The following RFX7 variants were observed in gnomAD, a reference collection of about 807,000 sequenced individuals.
The protein encoded by RFX7 is regulatory factor X7.
In RFX7, 26 loss-of-function variants were observed where a neutral mutation model predicts 111.8. The ratio of observed to expected loss-of-function variants is 0.23; its 90% confidence interval spans 0.17 to 0.32. RFX7 has a LOEUF of 0.32. Ranked by LOEUF, RFX7 falls within the 10% of genes least tolerant of loss-of-function variation. RFX7 has a pLI of 1.00. For synonymous variants in RFX7, 624 were observed against 624.4 expected (o/e 1.00, Z 0.01); for missense variants, 1,573 against 1,772.9 (o/e 0.89, Z 2.02).
chr15:56,108,421 A>G (rs2041860512), intron 5 of RFX7, among the ~76,000 whole-genome samples: 1 of 152,236 alleles, frequency 6.6e-6, no homozygotes, highest in Admixed American at 6.5e-5. Context: ...AATGTCATCC[A>G]TCACATAAAC....
At chr15:56,145,296 A>C (rs1349666844) in intron 3 of RFX7, among the ~76,000 whole-genome samples, 3 of 152,206 alleles carry the variant, frequency 2.0e-5, no homozygotes, top group Non-Finnish European at 4.4e-5. Context: ...ATTCCATTGC[A>C]ATGAAAAATG....
In RFX7 at chr15:56,150,131, A is replaced by G. The variant is rs1401109149; in HGVS notation, c.196-5648T>C. ...CTGCTGGGAAGTTCAAACTGGGTGG[A>G]GCCCACTGCAGCTCAGCAAGGCTGC... On this transcript the variant is annotated intron_variant, in intron 3 of 9. Coordinates refer to ENST00000559447, the MANE Select transcript of RFX7 (RefSeq NM_022841.7). Among the ~76,000 whole-genome samples the G allele has an allele frequency of 2.0e-5, 3 of 152,194 alleles. No individual in the cohort carries two copies. In the East Asian group the frequency reaches 5.8e-4, roughly 29 times the overall value.
chr15:56,167,716 TA>T (rs2042799774), intron 3 of RFX7, among the ~76,000 whole-genome samples: 1 of 152,154 alleles, frequency 6.6e-6, no homozygotes, highest in African/African-American at 2.4e-5. Context: ...AATAAACAGA[TA>T]AATTTTTTCA....
chr15:56,163,125 T>C (rs1489822945), intron 3 of RFX7, among the ~76,000 whole-genome samples: 1 of 152,140 alleles, frequency 6.6e-6, no homozygotes. Flanking sequence ...TTGGTCACCA[T>C]TTAGTATTCA....
chr15:56,131,593 T>A (rs572169486), intron 5 of RFX7, among the ~76,000 whole-genome samples: 1 of 152,174 alleles, frequency 6.6e-6, no homozygotes, highest in Non-Finnish European at 1.5e-5. Flanking sequence ...ATACATCACA[T>A]TGACAGGTCA....
rs2042799579 is a variant in RFX7, at chr15:56,167,711, A to AGG, written c.195+11558_195+11559insCC. Among the ~76,000 whole-genome samples the AGG allele has an allele frequency of 3.3e-5, 5 of 152,326 alleles. No homozygotes were observed. The South Asian group carries it at 1.0e-3, about 32-fold the overall frequency. On this transcript the variant is annotated intron_variant, in intron 3 of 9. Coordinates refer to ENST00000559447, the MANE Select transcript of RFX7 (RefSeq NM_022841.7). ...TATTTTCATTTGTCTTTACCAATAA[A>AGG]CAGATAAATTTTTTCATAGCTTTAA...
intron 3 of RFX7, among the ~76,000 whole-genome samples, chr15:56,154,480 A>G (rs2042621367): frequency 6.6e-6 from 1 of 152,218 alleles, no homozygotes; most frequent in Non-Finnish European, 1.5e-5. Flanking sequence ...AACTCCGCAT[A>G]TCTACAACTA....
At position 56,203,721 on chromosome 15, in the gene RFX7, C is replaced by G. The variant is rs535023408; in HGVS notation, c.162-24418G>C. ...ATCCTCACTGCCACACTCCCACCCA[C>G]ACCATGACAGTTTACAAATGCCACG... On this transcript the variant is annotated intron_variant, in intron 2 of 9. Coordinates refer to ENST00000559447, the MANE Select transcript of RFX7 (RefSeq NM_022841.7). 9.8e-5 allele frequency among the ~76,000 whole-genome samples: 15 copies of G among 152,300 alleles called. 1 individual carries two copies. Among genetic ancestry groups the G allele is most frequent in the African/African-American group, 3.4e-4 (14 of 41,560 alleles).
intron 3 of RFX7, among the ~76,000 whole-genome samples, chr15:56,152,805 C>T (rs548630749): frequency 1.3e-5 from 2 of 149,008 alleles, no homozygotes; most frequent in South Asian, 2.1e-4. Flanking sequence ...ACAAAATAGA[C>T]CACTAGCCAG....
chr15:56,194,625 T>TCACGCCTGTA lies in RFX7; in HGVS notation c.162-15323_162-15322insTACAGGCGTG, dbSNP rs1567042836. Among the ~76,000 whole-genome samples the TCACGCCTGTA allele has an allele frequency of 2.0e-5, 3 of 152,078 alleles. 1 individual carries two copies. The highest frequency in any genetic ancestry group is 7.2e-5 in the African/African-American group (3 of 41,446). The stretch of plus-strand genomic sequence containing the variant: ...TCATATGCTATAAAACAAAATTTTT[T>TCACGCCTGTA]ATATTTAAAAAAATAATAATAGTCA... On this transcript the variant is annotated intron_variant, in intron 2 of 9. Transcript: ENST00000559447.
intron 6 of RFX7, 57 bp from the exon 7 acceptor site, chr15:56,102,310 G>A (rs771646502): frequency 8.7e-6 from 9 of 1,030,888 alleles, no homozygotes; most frequent in Non-Finnish European, 1.1e-5. Flanking sequence ...TATACAGACA[G>A]CACTTTAAAA....
chr15:56,150,100 A>G (rs943643543), intron 3 of RFX7, among the ~76,000 whole-genome samples: 2 of 152,180 alleles, frequency 1.3e-5, no homozygotes, highest in Non-Finnish European at 2.9e-5. Context: ...CACAGGATAA[A>G]CAAAGCTGCT....
In RFX7 at chr15:56,176,424, G is replaced by C. The variant is rs148621907; in HGVS notation, c.195+2846C>G. 5.6e-3 allele frequency among the ~76,000 whole-genome samples: 854 copies of C among 152,088 alleles called. 4 individuals carry two copies. The highest frequency in any genetic ancestry group is 0.01 in the Middle Eastern group (3 of 294). ...GTGAATGAGTGACAGAATCAATCTA[G>C]GATAAATCTTAATACCAACAAAAGA... On this transcript the variant is annotated intron_variant, in intron 3 of 9. Coordinates refer to ENST00000559447, the MANE Select transcript of RFX7 (RefSeq NM_022841.7).
At chr15:56,155,556 T>C (rs1167740583) in intron 3 of RFX7, among the ~76,000 whole-genome samples, 1 of 151,730 alleles carries the variant, frequency 6.6e-6, no homozygotes, top group Non-Finnish European at 1.5e-5. Flanking sequence ...TAAGTGGGAG[T>C]TGAACAATGA....
intron 5 of RFX7, among the ~76,000 whole-genome samples, chr15:56,140,915 C>T (rs528320084): frequency 6.6e-6 from 1 of 152,158 alleles, no homozygotes; most frequent in African/African-American, 2.4e-5. Context: ...GATCACTCTT[C>T]CGCAAATGCA....
chr15:56,149,472 G>A (rs1158645292), intron 3 of RFX7, among the ~76,000 whole-genome samples: 1 of 152,192 alleles, frequency 6.6e-6, no homozygotes, highest in African/African-American at 2.4e-5. Flanking sequence ...TGCAGAAGGC[G>A]GGTGATTTCT....
rs1323823260 is a variant in RFX7, at chr15:56,141,808, C to T, written c.401+970G>A. Among the ~76,000 whole-genome samples, 4 of 151,478 alleles carry T rather than the reference C, an allele frequency of 2.6e-5. No individual in the cohort carries two copies. In the East Asian group the frequency reaches 5.8e-4, roughly 22 times the overall value. On this transcript the variant is annotated intron_variant, in intron 5 of 9. Coordinates refer to ENST00000559447, the MANE Select transcript of RFX7 (RefSeq NM_022841.7). ...ATGAATGAACAAGTTGGATCACATG[C>T]ACTCTCAGTTTTAACCTTTGTAAAG...
At chr15:56,132,301 A>C (rs1189509389) in intron 5 of RFX7, among the ~76,000 whole-genome samples, 1 of 152,084 alleles carries the variant, frequency 6.6e-6, no homozygotes, top group Non-Finnish European at 1.5e-5. Flanking sequence ...ATAAGGAGGA[A>C]AGATGGGTCC....
Position 56,108,050 on chromosome 15 carries a change from T to C in RFX7, c.402-4380A>G, listed in dbSNP as rs1341644152. Among the ~76,000 whole-genome samples, 4 of 152,218 alleles carry C rather than the reference T, an allele frequency of 2.6e-5. No individual in the cohort carries two copies. The East Asian group carries it at 7.7e-4, about 29-fold the overall frequency. On this transcript the variant is annotated intron_variant, in intron 5 of 9. Transcript: ENST00000559447. ...ATAGACCAATAACACGTTCTGAAAT[T>C]GAGGCAGTAATAAATAGCCTACCAA...
Sources: gnomAD v4.1 joint callset for allele counts (sites outside exome capture counted in the v4.1 genomes callset) on GRCh38, gnomAD v4.1.1 for gene constraint, MANE v1.5 for transcripts, NCBI Gene and HGNC (gene_info 2026-07-23, HGNC 2026-07-21) for gene names.